The following UNC13C variants were observed in gnomAD, a reference collection of about 807,000 sequenced individuals.
UNC13C encodes the protein protein unc-13 homolog C.
A neutral mutation model predicts 245.4 loss-of-function variants in UNC13C; 174 were observed. The observed-to-expected ratio is 0.71, with a 90% CI of 0.63 to 0.80. The LOEUF is 0.80. UNC13C is among the 30% of genes least tolerant of loss of function. The probability of loss-of-function intolerance (pLI) is 0.00; values close to 1 mark genes in which losing one functional copy is unlikely to be tolerated. For synonymous variants in UNC13C, 992 were observed against 895.1 expected, an observed-to-expected ratio of 1.11 and a Z score of -1.93; for missense variants, 2,829 against 2,602.9, an observed-to-expected ratio of 1.09 and a Z score of -1.89.
intron 2 of UNC13C, among the ~76,000 whole-genome samples, chr15:54,033,342 A>G (rs1896443010): frequency 6.6e-6 from 1 of 152,174 alleles, no homozygotes; most frequent in Admixed American, 6.5e-5. Flanking sequence ...TTAGAGAAAC[A>G]CTGTTACTTT....
intron 29 of UNC13C, among the ~76,000 whole-genome samples, chr15:54,556,742 C>T (rs574438824): frequency 3.1e-5 from 1 of 32,664 alleles, no homozygotes; most frequent in African/African-American, 2.9e-4. Flanking sequence ...AAAGGACATG[C>T]TAGTAGAAAA....
At chr15:54,205,266 G>T (rs1341038725) in intron 4 of UNC13C, among the ~76,000 whole-genome samples, 1 of 151,844 alleles carries the variant, frequency 6.6e-6, no homozygotes, top group Non-Finnish European at 1.5e-5. Context: ...AATTCTCCTG[G>T]TGAGTCTAAT....
chr15:54,165,431 C>G (rs2033129886), intron 4 of UNC13C, among the ~76,000 whole-genome samples: 1 of 151,970 alleles, frequency 6.6e-6, no homozygotes, highest in Non-Finnish European at 1.5e-5. Context: ...TTAAGTGGTT[C>G]CCATTGCTGC....
chr15:54,012,841 A>T lies in UNC13C; in HGVS notation c.-63A>T. 1.5e-6 allele frequency: 2 copies of T among 1,308,760 alleles called. No homozygotes were observed. The highest frequency in any genetic ancestry group is 2.1e-6 in the Non-Finnish European group (2 of 944,494). 81.1% of individuals were successfully genotyped at this position (1,308,760 alleles called of 1,614,324 possible). ...ACAGTGATGCTTGCCTTGGATTTTC[A>T]GGTTTTCATCCTGATACTTGTTTAC... is the stretch of plus-strand genomic sequence containing the variant. On this transcript the variant is annotated 5_prime_UTR_variant, in exon 2 of 33. Coordinates refer to ENST00000260323, the MANE Select transcript of UNC13C (RefSeq NM_001080534.3).
At chr15:54,203,524 A>G in intron 4 of UNC13C, among the ~76,000 whole-genome samples, 1 of 142,742 alleles carries the variant, frequency 7.0e-6, no homozygotes, top group African/African-American at 2.6e-5. Flanking sequence ...ACACACATAT[A>G]TATGTATATA....
chr15:54,616,742 A>G (rs1386926941), intron 30 of UNC13C, among the ~76,000 whole-genome samples: 2 of 152,052 alleles, frequency 1.3e-5, no homozygotes, highest in Admixed American at 1.3e-4. Context: ...TTATTGAAGA[A>G]AATCTTTTAT....
At chr15:54,015,939 A>G (rs1895637303) in intron 2 of UNC13C, 53 bp downstream of exon 2, 2 of 1,410,062 alleles carry the variant, frequency 1.4e-6, no homozygotes, top group Admixed American at 2.7e-5. Flanking sequence ...AACATTGGGT[A>G]GCACTTCTTT....
chr15:54,450,485 C>T (rs1487025711), intron 19 of UNC13C, among the ~76,000 whole-genome samples: 1 of 152,240 alleles, frequency 6.6e-6, no homozygotes. Flanking sequence ...CGCCCCTTCT[C>T]CAGCCTCGCT....
intron 13 of UNC13C, among the ~76,000 whole-genome samples, chr15:54,312,768 G>A (rs964603042): frequency 6.6e-6 from 1 of 151,694 alleles, no homozygotes; most frequent in African/African-American, 2.4e-5. Flanking sequence ...AGCAGTCTAG[G>A]CCCCAGATCT....
chr15:54,015,181 T>A lies in UNC13C; in HGVS notation c.2278T>A (p.Tyr760Asn), dbSNP rs76762496. Residue 760 changes from tyrosine (Y) to asparagine (N), a missense_variant, in exon 2 of 33, where the codon TAT becomes AAT. Transcript: ENST00000260323. ...AAATCAAAACCAGTTGTCCATGATG[T>A]ATCGAAGTCAAAGTGAATTGCAAAG... ...YQNQNQLSMM[Y>N]RSQSELQSDD... 1.6e-3 allele frequency: 2,559 copies of A among 1,612,912 alleles called. 95 individuals are homozygous for A. In the East Asian group the frequency reaches 0.052, roughly 33 times the overall value.
At chr15:53,869,328 TCATACACAGGCATATA>T in the UNC13C span, among the ~76,000 whole-genome samples, 10 of 152,154 alleles carry the variant, frequency 6.6e-5, no homozygotes, top group African/African-American at 2.4e-4. Context: ...TAGCAAGTGG[TCATACACAGGCATATA>T]CATTCATGAC....
intron 2 of UNC13C, among the ~76,000 whole-genome samples, chr15:54,077,651 A>G (rs1165280918): frequency 6.6e-6 from 1 of 152,046 alleles, no homozygotes; most frequent in Non-Finnish European, 1.5e-5. Flanking sequence ...GATTACAGGC[A>G]TGAGCCACCA....
intron 30 of UNC13C, among the ~76,000 whole-genome samples, chr15:54,584,132 G>A (rs1289130393): frequency 6.6e-6 from 1 of 152,070 alleles, no homozygotes; most frequent in Non-Finnish European, 1.5e-5. Flanking sequence ...CCTTGGCCAG[G>A]GCTCTCCTGG....
intron 26 of UNC13C, among the ~76,000 whole-genome samples, chr15:54,540,015 A>C (rs944081669): frequency 6.6e-6 from 1 of 152,072 alleles, no homozygotes; most frequent in Non-Finnish European, 1.5e-5. Flanking sequence ...AAACTTTTGA[A>C]AGAAATATGT....
At chr15:54,484,617 A>G (rs1487895213) in intron 19 of UNC13C, among the ~76,000 whole-genome samples, 2 of 152,216 alleles carry the variant, frequency 1.3e-5, no homozygotes, top group South Asian at 2.1e-4. Context: ...CTAAGTGAAC[A>G]TGTTTTCACT....
the UNC13C span, among the ~76,000 whole-genome samples, chr15:53,888,101 T>A: frequency 6.6e-6 from 1 of 152,226 alleles, no homozygotes; most frequent in Non-Finnish European, 1.5e-5. Flanking sequence ...ATGGTATTTC[T>A]AGTTCTAGGT....
chr15:54,462,317 T>C (rs941268102), intron 19 of UNC13C, among the ~76,000 whole-genome samples: 1 of 152,226 alleles, frequency 6.6e-6, no homozygotes, highest in Non-Finnish European at 1.5e-5. Flanking sequence ...CCTCATTCGC[T>C]CTCAGTGCCT....
Position 54,089,677 on chromosome 15 carries a change from T to TC in UNC13C, c.2984-53338dup, listed in dbSNP as rs773198239. ...TCCAATATCTTTTTTTTTTTTTTTT[T>TC]CCCACAACATGCATCCCTTGCTGGT... is the stretch of plus-strand genomic sequence containing the variant. On this transcript the variant is annotated intron_variant, in intron 2 of 32. Coordinates refer to ENST00000260323, the MANE Select transcript of UNC13C (RefSeq NM_001080534.3). Among the ~76,000 whole-genome samples, 9 of 135,536 alleles carry TC rather than the reference T, an allele frequency of 6.6e-5. No individual in the cohort carries two copies. The East Asian group carries it at 1.7e-3, about 26-fold the overall frequency. The allele number at this position is 135,536 out of a possible 152,430, so 88.9% of individuals were successfully genotyped here. A position where few individuals can be genotyped will look rare whatever the true frequency, so the allele number is the denominator to read the frequency against.
At chr15:54,242,054 GT>G (rs2035867966) in intron 7 of UNC13C, among the ~76,000 whole-genome samples, 1 of 152,126 alleles carries the variant, frequency 6.6e-6, no homozygotes, top group Admixed American at 6.5e-5. Flanking sequence ...TTTCTTATAT[GT>G]TTACTAATTA....
Sources: allele counts gnomAD v4.1 joint callset (sites outside exome capture counted in the v4.1 genomes callset), GRCh38; gene constraint gnomAD v4.1.1; transcripts MANE v1.5; gene names NCBI Gene and HGNC (gene_info 2026-07-23, HGNC 2026-07-21).